Variants in BLTP3B observed in about 807,000 individuals in gnomAD.
The protein encoded by BLTP3B is UHRF1 (ICBP90) binding protein 1-like.
chr12:100,047,850 A>C, the BLTP3B span: 1 of 1,223,410 alleles, frequency 8.2e-7, no homozygotes, highest in Non-Finnish European at 1.1e-6. Context: ...TGCTGATAGA[A>C]TATATTTTAT....
chr12:100,100,193 T>C, the BLTP3B span, among the ~76,000 whole-genome samples: 1 of 151,850 alleles, frequency 6.6e-6, no homozygotes, highest in South Asian at 2.1e-4. Flanking sequence ...TAGTCCCAGC[T>C]ACTCGGGAGG....
the BLTP3B span, among the ~76,000 whole-genome samples, chr12:100,138,051 C>T: frequency 2.0e-5 from 3 of 152,192 alleles, no homozygotes; most frequent in Non-Finnish European, 4.4e-5. Context: ...AGCTCCCAAC[C>T]AGGAGTAATT....
chr12:100,142,603 C>T, the BLTP3B span: 77 of 1,609,118 alleles, frequency 4.8e-5, no homozygotes, highest in Admixed American at 6.7e-5. Flanking sequence ...TGGAGAGGTG[C>T]TTCAAGATTT....
chr12:100,136,368 G>A, the BLTP3B span, among the ~76,000 whole-genome samples: 1 of 151,772 alleles, frequency 6.6e-6, no homozygotes, highest in African/African-American at 2.4e-5. Flanking sequence ...CACCCGCAAT[G>A]CCAGACAAGT....
At chr12:100,047,390 C>T in the BLTP3B span, 6 of 555,602 alleles carry the variant, frequency 1.1e-5, no homozygotes, top group Non-Finnish European at 1.9e-5. Context: ...CCCAGCTACT[C>T]GGGAGGTTTA....
At chr12:100,042,535 A>C in the BLTP3B span, among the ~76,000 whole-genome samples, 2 of 152,248 alleles carry the variant, frequency 1.3e-5, no homozygotes, top group Non-Finnish European at 2.9e-5. Context: ...AGCTAAATTT[A>C]ACGGCTAATT....
the BLTP3B span, chr12:100,098,641 C>T: frequency 6.1e-5 from 78 of 1,278,504 alleles, no homozygotes; most frequent in Admixed American, 7.0e-4. Context: ...GTGGCTCATA[C>T]CTGTACTCCC....
the BLTP3B span, among the ~76,000 whole-genome samples, chr12:100,140,635 G>A: frequency 3.5e-3 from 498 of 142,292 alleles, 4 homozygotes; most frequent in African/African-American, 0.013. Context: ...AAGCCAGGAG[G>A]CAGAGGCTGC....
chr12:100,060,671 T>C, the BLTP3B span, among the ~76,000 whole-genome samples: 1 of 152,220 alleles, frequency 6.6e-6, no homozygotes, highest in Non-Finnish European at 1.5e-5. Flanking sequence ...GAATTCACTC[T>C]TTCATAGCTC....
At chr12:100,085,346 CA>C in the BLTP3B span, among the ~76,000 whole-genome samples, 266 of 114,348 alleles carry the variant, frequency 2.3e-3, no homozygotes, top group Admixed American at 2.2e-3. Flanking sequence ...GGCCTTGGAT[CA>C]AAAAAAAAAA....
At chr12:100,068,210 T>C in the BLTP3B span, among the ~76,000 whole-genome samples, 2 of 152,208 alleles carry the variant, frequency 1.3e-5, no homozygotes, top group African/African-American at 4.8e-5. Flanking sequence ...TACAGCTAAC[T>C]GATCTTCAAC....
the BLTP3B span, among the ~76,000 whole-genome samples, chr12:100,098,999 A>ATTATTT: frequency 1.6e-4 from 23 of 148,226 alleles, no homozygotes; most frequent in Non-Finnish European, 2.7e-4. Flanking sequence ...CCATTTTATT[A>ATTATTT]TTTTTTTTTT....
the BLTP3B span, among the ~76,000 whole-genome samples, chr12:100,132,204 A>G: frequency 6.6e-6 from 1 of 152,252 alleles, no homozygotes; most frequent in Non-Finnish European, 1.5e-5. Flanking sequence ...TGCAGTACTA[A>G]AGCAAAGTGT....
At chr12:100,086,372 A>AAGG in the BLTP3B span, 37 of 439,850 alleles carry the variant, frequency 8.4e-5, no homozygotes, top group African/African-American at 2.6e-4. Flanking sequence ...GGAAAAAAAA[A>AAGG]GGGGGGGGGG....
chr12:100,129,194 TA>T, the BLTP3B span, among the ~76,000 whole-genome samples: 2 of 151,616 alleles, frequency 1.3e-5, no homozygotes, highest in Non-Finnish European at 2.9e-5. Context: ...AAGCTAGCCA[TA>T]AAAAACAATC....
At chr12:100,103,658 T>A in the BLTP3B span, among the ~76,000 whole-genome samples, 21 of 152,148 alleles carry the variant, frequency 1.4e-4, no homozygotes, top group African/African-American at 5.1e-4. Flanking sequence ...AACAAAGAGT[T>A]AAATGATGCA....
the BLTP3B span, among the ~76,000 whole-genome samples, chr12:100,085,452 G>A: frequency 1.3e-5 from 2 of 151,986 alleles, no homozygotes; most frequent in South Asian, 2.1e-4. Flanking sequence ...GAGTCAGGAC[G>A]ATAGTATATA....
chr12:100,071,688 A>T, the BLTP3B span, among the ~76,000 whole-genome samples: 2 of 152,226 alleles, frequency 1.3e-5, no homozygotes, highest in Admixed American at 1.3e-4. Context: ...ATAAAAATTC[A>T]TGTAATTCAA....
chr12:100,098,486 T>C, the BLTP3B span: 16 of 1,613,874 alleles, frequency 9.9e-6, no homozygotes, highest in Admixed American at 1.7e-5. Context: ...CTGATGACTA[T>C]AGAATTTACA....
Sources: allele counts gnomAD v4.1 joint callset (sites outside exome capture counted in the v4.1 genomes callset), GRCh38; gene constraint gnomAD v4.1.1; transcripts MANE v1.5; gene names NCBI Gene and HGNC (gene_info 2026-07-23, HGNC 2026-07-21).